HDHD5: variants seen among roughly 807,000 people sequenced by gnomAD.
HDHD5 encodes haloacid dehalogenase like hydrolase domain containing 5.
HDHD5 carries 34 observed loss-of-function variants against 35.5 expected under a neutral mutation model. The observed-to-expected ratio is 0.96, with a 90% CI of 0.73 to 1.28. The LOEUF is 1.28. HDHD5 is among the 50% of genes most tolerant of loss of function. HDHD5 has a pLI of 0.00. For missense variants in HDHD5, 589 were observed against 560.2 expected, an observed-to-expected ratio of 1.05 and a Z score of -0.52; for synonymous variants, 248 against 240.6, an observed-to-expected ratio of 1.03 and a Z score of -0.29.
chr22:17,157,678 A>G (rs1430826367), intron 1 of HDHD5, among the ~76,000 whole-genome samples: 2 of 152,196 alleles, frequency 1.3e-5, no homozygotes, highest in Non-Finnish European at 2.9e-5. Flanking sequence ...TCCTTTTATC[A>G]ACATATTCTA....
In HDHD5 at chr22:17,159,223, A is replaced by AGCGCAGCCACACAGCCCC. The variant is rs2061840630; in HGVS notation, c.11_28dup (p.Ala9_Leu10insArgGlyCysValAlaAla). On this transcript the variant is annotated inframe_insertion, in exon 1 of 8. Transcript: ENST00000336737. ...CCAGCAAAGCCCACGCGCCGCGCCGAGCGCAGCCACACAGCCCCACGCAGC... is the reference window on the plus strand; with the variant it reads ...CCAGCAAAGCCCACGCGCCGCGCCGAGCGCAGCCACACAGCCCCGCGCAGCCACACAGCCCCACGCAGC... 9 of 1,142,796 alleles carry AGCGCAGCCACACAGCCCC rather than the reference A, an allele frequency of 7.9e-6. No homozygotes were observed. Among genetic ancestry groups the AGCGCAGCCACACAGCCCC allele is most frequent in the African/African-American group, 1.7e-5 (1 of 58,518 alleles). The allele number at this position is 1,142,796 out of a possible 1,614,324, so 70.8% of individuals were successfully genotyped here. A position where few individuals can be genotyped will look rare whatever the true frequency, so the allele number is the denominator to read the frequency against.
upstream of HDHD5, among the ~76,000 whole-genome samples, chr22:17,161,505 G>T (rs538333499): frequency 9.9e-5 from 15 of 151,896 alleles, no homozygotes; most frequent in East Asian, 1.7e-3. Context: ...GTTGCAGAGA[G>T]CTGAGCTGAG....
At chr22:17,158,893 T>C in intron 1 of HDHD5, 1 of 314,162 alleles carries the variant, frequency 3.2e-6, no homozygotes, top group Non-Finnish European at 5.7e-6. Flanking sequence ...GCCCAGGCCG[T>C]CCCACGAGCG....
At chr22:17,139,447 G>A (rs1052210543) in intron 6 of HDHD5, among the ~76,000 whole-genome samples, 1 of 151,790 alleles carries the variant, frequency 6.6e-6, no homozygotes, top group Non-Finnish European at 1.5e-5. Flanking sequence ...AGAATCACTT[G>A]AACCCGGGAG....
chr22:17,149,309 AC>A (rs944165714), intron 2 of HDHD5, among the ~76,000 whole-genome samples: 79 of 152,274 alleles, frequency 5.2e-4, no homozygotes, highest in African/African-American at 1.8e-3. Context: ...CATGTGTGTG[AC>A]CTTTGCTTTC....
At chr22:17,143,196 C>T in intron 4 of HDHD5, 65 bp from the exon 5 acceptor site, 1 of 1,564,620 alleles carries the variant, frequency 6.4e-7, no homozygotes, top group South Asian at 1.2e-5. Flanking sequence ...AACCACAACC[C>T]CACCTCCAGG....
chr22:17,157,344 C>T (rs1467307931), intron 1 of HDHD5, among the ~76,000 whole-genome samples: 5 of 151,066 alleles, frequency 3.3e-5, no homozygotes, highest in Non-Finnish European at 7.4e-5. Context: ...CTCCGCTCAC[C>T]GCAACCTCCC....
chr22:17,159,305 C>T, upstream of HDHD5: 1 of 1,125,240 alleles, frequency 8.9e-7, no homozygotes. Flanking sequence ...CCCCGCGAGT[C>T]CGTCCGCTGC....
intron 1 of HDHD5, among the ~76,000 whole-genome samples, chr22:17,154,616 CTT>C (rs56885882): frequency 0.093 from 11,690 of 126,228 alleles, 446 homozygotes; most frequent in Admixed American, 0.13. Context: ...TCCTTATTTT[CTT>C]TTTTTTTTTT....
rs1422094766 is a variant in HDHD5 at position 17,150,712 on chromosome 22, T to C, written c.127-967A>G. Among the ~76,000 whole-genome samples, 3 of 152,236 alleles carry C rather than the reference T, an allele frequency of 2.0e-5. No homozygotes were observed. The East Asian group carries it at 5.8e-4, about 29-fold the overall frequency. On this transcript the variant is annotated intron_variant, in intron 1 of 7. Coordinates refer to ENST00000336737, the MANE Select transcript of HDHD5 (RefSeq NM_033070.3). ...ATTTGTATTTTTAGTGGAGACGAGG[T>C]TATGCCATGTTGACCAGGCTGGTCT... is the stretch of plus-strand genomic sequence containing the variant.
At chr22:17,159,298 C>CT (rs1279781550), upstream of HDHD5, 1 of 1,224,260 alleles carries the variant, frequency 8.2e-7, no homozygotes, top group African/African-American at 1.7e-5. Context: ...CCCCCCCCCC[C>CT]GCGAGTCCGT....
chr22:17,159,676 C>T, upstream of HDHD5: 2 of 315,066 alleles, frequency 6.3e-6, no homozygotes, highest in South Asian at 2.2e-5. Flanking sequence ...TTCAGGTCCT[C>T]TGGGCCCCTG....
At chr22:17,157,246 A>G (rs1217138152) in intron 1 of HDHD5, among the ~76,000 whole-genome samples, 2 of 151,996 alleles carry the variant, frequency 1.3e-5, no homozygotes, top group Non-Finnish European at 2.9e-5. Flanking sequence ...TGGTAAAGCA[A>G]GAAAGTTAAA....
In HDHD5 at chr22:17,137,779, C is replaced by T; in HGVS notation, c.*242G>A. 2.0e-6 allele frequency: 1 copy of T among 506,822 alleles called. No homozygotes were observed. The highest frequency in any genetic ancestry group is 3.6e-6 in the Non-Finnish European group (1 of 281,346). The allele number at this position is 506,822 out of a possible 1,614,324, so 31.4% of individuals were successfully genotyped here. A position where few individuals can be genotyped will look rare whatever the true frequency, so the allele number is the denominator to read the frequency against. ...AAGAGAATGGCCTGAGGTTAGACTG[C>T]CACGAAAGGCACGTGGGAACTGGGC... On this transcript the variant is annotated 3_prime_UTR_variant, in exon 8 of 8. Transcript: ENST00000336737.
chr22:17,147,334 C>T (rs1443911343), intron 3 of HDHD5, among the ~76,000 whole-genome samples: 1 of 104,158 alleles, frequency 9.6e-6, no homozygotes, highest in Non-Finnish European at 1.9e-5. Flanking sequence ...CACACGCCAT[C>T]GCACACGCCC....
At chr22:17,139,526 TA>T (rs34738352) in intron 6 of HDHD5, among the ~76,000 whole-genome samples, 29,033 of 144,716 alleles carry the variant, frequency 0.2, 2,962 homozygotes, top group Middle Eastern at 0.34. Context: ...AGACTCCATC[TA>T]AAAAAAAAAA....
rs374314128 is a variant in HDHD5 at position 17,138,666 on chromosome 22, G to C, written c.819C>G (p.Tyr273Ter). 2.5e-6 allele frequency: 4 copies of C among 1,614,208 alleles called. No homozygotes were observed. In the East Asian group the frequency reaches 8.9e-5, roughly 36 times the overall value. Residue 273 changes from tyrosine to a stop codon, truncating the protein, a stop_gained, in exon 7 of 8, where the codon TAC becomes TAG. Transcript: ENST00000336737. LOFTEE classifies it high-confidence loss of function. ...YQKVTGKELR[Y>*]EGLMGKPSIL... ...TGCTGGGTTTGCCCATCAGGCCCTCGTATCTCAGCTCCTTGCCCGTCACTT... is the reference window on the plus strand; with the variant it reads ...TGCTGGGTTTGCCCATCAGGCCCTCCTATCTCAGCTCCTTGCCCGTCACTT...
chr22:17,156,037 C>A (rs1438422518), intron 1 of HDHD5, among the ~76,000 whole-genome samples: 2 of 151,920 alleles, frequency 1.3e-5, no homozygotes, highest in Non-Finnish European at 2.9e-5. Context: ...TGTTTACAAG[C>A]AAACCTATGA....
chr22:17,161,633 C>T (rs1189312881), upstream of HDHD5, among the ~76,000 whole-genome samples: 6 of 151,648 alleles, frequency 4.0e-5, no homozygotes, highest in Admixed American at 2.0e-4. Context: ...CTTGGGAAGC[C>T]GAGGCAGGTG....
Sources: gnomAD v4.1 joint callset for allele counts (sites outside exome capture counted in the v4.1 genomes callset) on GRCh38, gnomAD v4.1.1 for gene constraint, MANE v1.5 for transcripts, NCBI Gene and HGNC (gene_info 2026-07-23, HGNC 2026-07-21) for gene names.